The following DUSP14 variants were observed in gnomAD, a reference collection of about 807,000 sequenced individuals.
DUSP14 encodes the protein dual specificity phosphatase 14.
Under a neutral mutation model 13.2 loss-of-function variants are expected in DUSP14, and 5 were observed. The observed-to-expected ratio is 0.38, with a 90% CI of 0.20 to 0.80. The LOEUF is 0.80. Among genes scored for constraint, DUSP14 ranks in the 30% least tolerant of loss-of-function variants. The pLI, the probability that DUSP14 is intolerant of heterozygous loss-of-function variation, is 0.44. For missense variants in DUSP14, 185 were observed against 264.0 expected (o/e 0.70, Z 2.07); for synonymous variants, 91 against 103.4 (o/e 0.88, Z 0.73).
At chr17:37,500,948 C>CA (rs1322353836) in intron 1 of DUSP14, among the ~76,000 whole-genome samples, 1 of 152,170 alleles carries the variant, frequency 6.6e-6, no homozygotes, top group Admixed American at 6.5e-5. Context: ...CTCCCCGCCC[C>CA]AGCCAGTGAA....
chr17:37,512,863 G>C lies in DUSP14; in HGVS notation c.591G>C (p.Gly197=), dbSNP rs78357303. 1 of 1,597,850 alleles carries C rather than the reference G, an allele frequency of 6.3e-7. No individual in the cohort carries two copies. The highest frequency in any genetic ancestry group is 8.6e-7 in the Non-Finnish European group (1 of 1,167,326). Residue 197 remains glycine (G), a synonymous_variant, in exon 3 of 3, where the codon GGG becomes GGC. Coordinates refer to ENST00000617516, the MANE Select transcript of DUSP14 (RefSeq NM_007026.4). The surrounding 1 kb of genome is among the most constrained non-coding windows in gnomAD (Gnocchi z 4.8). Reference sequence around the variant, plus strand: ...CCCGACACCTGATGCCTTACTGGGGGATTTAGTGCCACTGAAGCCTGCGTC... The same window carrying C: ...CCCGACACCTGATGCCTTACTGGGGCATTTAGTGCCACTGAAGCCTGCGTC... The part of the protein sequence containing the change: ...KESRHLMPYW[G]I
intron 1 of DUSP14, among the ~76,000 whole-genome samples, chr17:37,502,993 C>T (rs887690837): frequency 6.6e-6 from 1 of 152,160 alleles, no homozygotes; most frequent in Non-Finnish European, 1.5e-5. Flanking sequence ...GCCTCAGCCT[C>T]CCAAAGTGCT....
rs1207012947 is a variant in DUSP14 at position 37,512,394 on chromosome 17, T to C, written c.122T>C (p.Val41Ala). The C allele has an allele frequency of 6.2e-7, 1 of 1,614,162 alleles. No individual in the cohort carries two copies. Among genetic ancestry groups the C allele is most frequent in the Non-Finnish European group, 8.5e-7 (1 of 1,180,026 alleles). The change falls in exon 3 of 3, where the codon GTG becomes GCG. Residue 41 changes from valine to alanine, a missense_variant. Val to Ala is a moderately conservative substitution (Grantham distance 64, BLOSUM62 0). Transcript: ENST00000617516. The surrounding 1 kb of genome is among the most constrained non-coding windows in gnomAD (Gnocchi z 4.8). ...TCTCTATTCCTGGGCAGAGGCAGTG[T>C]GGCCTCCAATCGGCACCTCCTCCAG... ...TSSLFLGRGS[V>A]ASNRHLLQAR...
intron 1 of DUSP14, among the ~76,000 whole-genome samples, chr17:37,490,169 T>TCCGCGGAGGAGAGGCCCGAGACCC (rs1568197358): frequency 7.3e-5 from 11 of 150,916 alleles, no homozygotes; most frequent in East Asian, 4.0e-4. Flanking sequence ...GCCCGAGACC[T>TCCGCGGAGGAGAGGCCCGAGACCC]TCCGCAGCGC....
chr17:37,495,655 T>G (rs1460851449), intron 1 of DUSP14, among the ~76,000 whole-genome samples: 2 of 151,792 alleles, frequency 1.3e-5, no homozygotes, highest in Non-Finnish European at 2.9e-5. Context: ...AGTTTTGTTT[T>G]TTTTGTTTTT....
At chr17:37,510,169 T>C (rs2054173491) in intron 1 of DUSP14, 1 of 152,332 alleles carries the variant, frequency 6.6e-6, no homozygotes, top group Non-Finnish European at 1.5e-5. Context: ...GTCCCGGCCA[T>C]GCCTGTCCTT....
chr17:37,508,031 TTCC>T (rs766865633), intron 1 of DUSP14, among the ~76,000 whole-genome samples: 1 of 152,254 alleles, frequency 6.6e-6, no homozygotes, highest in Non-Finnish European at 1.5e-5. Context: ...TGCGTCCTTG[TTCC>T]TCCTCATGCT....
At chr17:37,489,338 C>T (rs1221135840), upstream of DUSP14, among the ~76,000 whole-genome samples, 1 of 152,100 alleles carries the variant, frequency 6.6e-6, no homozygotes, top group East Asian at 1.9e-4. Flanking sequence ...TCGGGCGCCA[C>T]GGCTGCCCGT....
In DUSP14 at chr17:37,512,124, G is replaced by C; in HGVS notation, c.-92-57G>C. On this transcript the variant is annotated intron_variant, in intron 2 of 2. Coordinates refer to ENST00000617516, the MANE Select transcript of DUSP14 (RefSeq NM_007026.4). The surrounding 1 kb of genome is among the most constrained non-coding windows in gnomAD (Gnocchi z 4.8). ...ATCTTCCCATTTGACAAATGTGACA[G>C]AAGGCTGTGATGAATCAGTAGCATT... The C allele has an allele frequency of 3.2e-6, 2 of 627,808 alleles. No individual in the cohort carries two copies. The highest frequency in any genetic ancestry group is 2.9e-5 in the Admixed American group (1 of 34,376). The allele number at this position is 627,808 out of a possible 1,614,324, so 38.9% of individuals were successfully genotyped here.
chr17:37,511,585 CTTTTTTTTTTTTTTTT>C (rs533256343), intron 2 of DUSP14, among the ~76,000 whole-genome samples: 36 of 87,314 alleles, frequency 4.1e-4, no homozygotes, highest in African/African-American at 1.9e-3. Flanking sequence ...CTGGCCTTTC[CTTTTTTTTTTTTTTTT>C]TTAGAAGCTG....
chr17:37,509,281 ATATATATATATATATAGTGT>A (rs2054165766), intron 1 of DUSP14, among the ~76,000 whole-genome samples: 2 of 33,420 alleles, frequency 6.0e-5, no homozygotes, highest in Non-Finnish European at 1.0e-4. Context: ...ATATATATAT[ATATATATATATATATAGTGT>A]GTGTGTGTGT....
chr17:37,498,338 T>TTC lies in DUSP14; in HGVS notation c.-181+8381_-181+8382insCT, dbSNP rs1555696447. On this transcript the variant is annotated intron_variant, in intron 1 of 2. Transcript: ENST00000617516. The stretch of plus-strand genomic sequence containing the variant: ...TCTTTTTTTTTTTTTTTTTTTTTTT[T>TTC]TTTTTTGAGACAGAGTCTCGCTCTG... Among the ~76,000 whole-genome samples, 407 of 94,220 alleles carry TTC rather than the reference T, an allele frequency of 4.3e-3. 1 individual carries two copies. Among genetic ancestry groups the TTC allele is most frequent in the African/African-American group, 0.018 (375 of 21,194 alleles). 61.8% of individuals were successfully genotyped at this position (94,220 alleles called of 152,430 possible).
intron 1 of DUSP14, among the ~76,000 whole-genome samples, chr17:37,496,646 C>G (rs576695170): frequency 1.9e-4 from 29 of 152,130 alleles, no homozygotes; most frequent in African/African-American, 5.3e-4. Flanking sequence ...CCCAGCTACT[C>G]CAGAGGCTGA....
chr17:37,508,734 A>AATATAT (rs35158443), intron 1 of DUSP14, among the ~76,000 whole-genome samples: 30 of 144,162 alleles, frequency 2.1e-4, no homozygotes, highest in African/African-American at 4.3e-4. Context: ...ACTCCATCTC[A>AATATAT]ATATATATAT....
intron 1 of DUSP14, among the ~76,000 whole-genome samples, 184 bp downstream of exon 1, chr17:37,490,142 C>A (rs1597964311): frequency 6.6e-6 from 1 of 150,972 alleles, no homozygotes; most frequent in Admixed American, 6.6e-5. Context: ...CTCTTCGGGG[C>A]GGCCCGCGGA....
chr17:37,494,059 T>A (rs1056787191), intron 1 of DUSP14, among the ~76,000 whole-genome samples: 7 of 151,174 alleles, frequency 4.6e-5, no homozygotes, highest in Non-Finnish European at 1.0e-4. Flanking sequence ...AGTGGCGCGA[T>A]CTCGGCTCAC....
At chr17:37,508,734 A>AATATATAT (rs35158443) in intron 1 of DUSP14, among the ~76,000 whole-genome samples, 12 of 144,162 alleles carry the variant, frequency 8.3e-5, no homozygotes, top group Admixed American at 2.1e-4. Flanking sequence ...ACTCCATCTC[A>AATATATAT]ATATATATAT....
At chr17:37,511,921 A>ACCCCCC (rs71135738) in intron 2 of DUSP14, among the ~76,000 whole-genome samples, 1 of 49,472 alleles carries the variant, frequency 2.0e-5, no homozygotes, top group Non-Finnish European at 3.9e-5. Flanking sequence ...ATGCCCAGCC[A>ACCCCCC]CCCCCCCCCC....
rs1223004514 is a variant in DUSP14 at position 37,512,119 on chromosome 17, T to C, written c.-92-62T>C. 2 of 619,120 alleles carry C rather than the reference T, an allele frequency of 3.2e-6. No individual in the cohort carries two copies. Among genetic ancestry groups the C allele is most frequent in the East Asian group, 5.3e-5 (2 of 37,808 alleles). 38.4% of individuals were successfully genotyped at this position (619,120 alleles called of 1,614,324 possible). A position where few individuals can be genotyped will look rare whatever the true frequency, so the allele number is the denominator to read the frequency against. On this transcript the variant is annotated intron_variant, in intron 2 of 2. Coordinates refer to ENST00000617516, the MANE Select transcript of DUSP14 (RefSeq NM_007026.4). The surrounding 1 kb of genome is among the most constrained non-coding windows in gnomAD (Gnocchi z 4.8). ...CTCTAATCTTCCCATTTGACAAATG[T>C]GACAGAAGGCTGTGATGAATCAGTA...
Sources: allele counts gnomAD v4.1 joint callset (sites outside exome capture counted in the v4.1 genomes callset), GRCh38; gene constraint gnomAD v4.1.1; non-coding constraint Gnocchi (gnomAD v3.1); transcripts MANE v1.5; gene names NCBI Gene and HGNC (gene_info 2026-07-23, HGNC 2026-07-21).